Variants in SUGCT observed in about 807,000 individuals in gnomAD.
SUGCT encodes the protein succinyl-CoA:glutarate-CoA transferase.
A neutral mutation model predicts 55.0 loss-of-function variants in SUGCT; 41 were observed. The observed-to-expected ratio is 0.74, with a 90% confidence interval of 0.58 to 0.97. The LOEUF (loss-of-function observed/expected upper bound fraction) is 0.97, where lower values mean the gene tolerates loss of function less well. Ranked by LOEUF, SUGCT falls within the 50% of genes least tolerant of loss-of-function variation. The pLI is 0.00. For missense variants in SUGCT, 568 were observed against 547.8 expected, an observed-to-expected ratio of 1.04 and a Z score of -0.37; for synonymous variants, 187 against 200.4, an observed-to-expected ratio of 0.93 and a Z score of 0.56.
chr7:40,261,441 AT>A (rs1791216716), intron 7 of SUGCT, among the ~76,000 whole-genome samples: 1 of 152,120 alleles, frequency 6.6e-6, no homozygotes, highest in Non-Finnish European at 1.5e-5. Context: ...CAGCCTCATT[AT>A]TTTTTCATTT....
intron 9 of SUGCT, among the ~76,000 whole-genome samples, chr7:40,352,231 G>A (rs764683243): frequency 2.3e-4 from 35 of 152,000 alleles, no homozygotes; most frequent in Non-Finnish European, 4.6e-4. Context: ...CACCAGTTTT[G>A]CATGCATTTG....
intron 12 of SUGCT, among the ~76,000 whole-genome samples, chr7:40,729,858 C>T (rs1473883042): frequency 1.3e-5 from 2 of 152,282 alleles, no homozygotes; most frequent in East Asian, 3.9e-4. Context: ...ATCCAAGGGT[C>T]TGGTTGCATC....
chr7:40,937,286 A>G, the SUGCT span, among the ~76,000 whole-genome samples: 1 of 152,082 alleles, frequency 6.6e-6, no homozygotes, highest in Non-Finnish European at 1.5e-5. Context: ...CTCCTCCCTC[A>G]GACTTCCAAG....
At chr7:40,166,273 A>G (rs1257328866) in intron 1 of SUGCT, among the ~76,000 whole-genome samples, 1 of 152,206 alleles carries the variant, frequency 6.6e-6, no homozygotes, top group Non-Finnish European at 1.5e-5. Context: ...TGAGAAGTGG[A>G]GTTACCTCAT....
chr7:40,947,409 A>G, the SUGCT span, among the ~76,000 whole-genome samples: 1 of 151,782 alleles, frequency 6.6e-6, no homozygotes, highest in Admixed American at 6.6e-5. Context: ...ATCTGATTTA[A>G]AGTCTTTTTA....
chr7:40,908,373 A>T, the SUGCT span, among the ~76,000 whole-genome samples: 1 of 132,056 alleles, frequency 7.6e-6, no homozygotes, highest in Non-Finnish European at 1.6e-5. Context: ...ACAGAGCGAG[A>T]CTCTGTCTCA....
the SUGCT span, among the ~76,000 whole-genome samples, chr7:40,935,705 A>G: frequency 6.6e-6 from 1 of 152,220 alleles, no homozygotes; most frequent in South Asian, 2.1e-4. Context: ...TGCTATTTGC[A>G]GTCATGTAAC....
rs536379162 is a variant in SUGCT at position 40,272,581 on chromosome 7, C to T, written c.577-1932C>T. 5.5e-4 allele frequency among the ~76,000 whole-genome samples: 83 copies of T among 151,446 alleles called. 1 individual carries two copies. The highest frequency in any genetic ancestry group is 1.0e-3 in the Non-Finnish European group (69 of 67,904). On this transcript the variant is annotated intron_variant, in intron 7 of 13. Coordinates refer to ENST00000335693, the MANE Select transcript of SUGCT (RefSeq NM_001193313.2). ...AACCATGGGAGTGCACATATCTCTT[C>T]GTGATTGATTTTCTTCTTTCTTGGA...
intron 13 of SUGCT, among the ~76,000 whole-genome samples, chr7:40,848,018 G>A (rs1486464955): frequency 6.6e-6 from 1 of 152,138 alleles, no homozygotes. Flanking sequence ...TCTTTTGCTG[G>A]CCTCCCAGAA....
At chr7:40,539,539 G>A (rs1162803328) in intron 12 of SUGCT, 2 of 152,146 alleles carry the variant, frequency 1.3e-5, no homozygotes, top group Admixed American at 6.5e-5. Flanking sequence ...CGTTTCATAA[G>A]ATCAAAAATA....
At chr7:40,226,615 T>C (rs896954156) in intron 6 of SUGCT, among the ~76,000 whole-genome samples, 3 of 151,394 alleles carry the variant, frequency 2.0e-5, no homozygotes, top group Non-Finnish European at 4.4e-5. Context: ...GTGTAGGGTA[T>C]CCAAAGTGGA....
the SUGCT span, among the ~76,000 whole-genome samples, chr7:41,015,839 A>C: frequency 5.3e-5 from 8 of 152,248 alleles, no homozygotes; most frequent in South Asian, 2.1e-4. Flanking sequence ...TATTTTTCTT[A>C]CTTCCTTCCT....
intron 12 of SUGCT, among the ~76,000 whole-genome samples, chr7:40,640,078 C>T (rs947217002): frequency 2.0e-5 from 3 of 152,136 alleles, no homozygotes; most frequent in Non-Finnish European, 4.4e-5. Context: ...TTCAGAAAGA[C>T]ATAAAACAAT....
the SUGCT span, among the ~76,000 whole-genome samples, chr7:40,949,844 T>C: frequency 8.5e-5 from 13 of 152,194 alleles, no homozygotes; most frequent in African/African-American, 3.1e-4. Context: ...ACCATGCTGT[T>C]TTGGTTACTG....
intron 7 of SUGCT, among the ~76,000 whole-genome samples, chr7:40,239,930 A>G (rs1223280782): frequency 3.3e-5 from 5 of 152,162 alleles, no homozygotes; most frequent in African/African-American, 1.2e-4. Context: ...TCTGTTTCCT[A>G]CTGTACGGTG....
At chr7:40,501,342 A>G (rs1792270985) in intron 12 of SUGCT, among the ~76,000 whole-genome samples, 1 of 152,152 alleles carries the variant, frequency 6.6e-6, no homozygotes, top group East Asian at 1.9e-4. Context: ...TTAAGCTCCC[A>G]GTTTTTTATT....
the SUGCT span, among the ~76,000 whole-genome samples, chr7:40,989,557 A>G: frequency 1.3e-5 from 2 of 151,892 alleles, no homozygotes; most frequent in Non-Finnish European, 2.9e-5. Flanking sequence ...ACCTGAGGTC[A>G]GGAGTTCGAG....
intron 9 of SUGCT, among the ~76,000 whole-genome samples, chr7:40,448,959 T>TAGAG (rs1261492858): frequency 1.3e-4 from 20 of 148,902 alleles, no homozygotes; most frequent in African/African-American, 4.8e-4. Context: ...TGTATATATA[T>TAGAG]ATAGAGAGAG....
At chr7:40,269,341 G>T (rs890554834) in intron 7 of SUGCT, among the ~76,000 whole-genome samples, 3 of 149,502 alleles carry the variant, frequency 2.0e-5, no homozygotes, top group Non-Finnish European at 4.4e-5. Context: ...TTTATTTTTT[G>T]AGACAGAGTC....
Sources: gnomAD v4.1 joint callset for allele counts (sites outside exome capture counted in the v4.1 genomes callset) on GRCh38, gnomAD v4.1.1 for gene constraint, MANE v1.5 for transcripts, NCBI Gene and HGNC (gene_info 2026-07-23, HGNC 2026-07-21) for gene names.